The following RAE1 variants were observed in gnomAD, a reference collection of about 807,000 sequenced individuals.
RAE1 encodes ribonucleic acid export 1, also known as mRNA export factor RAE1.
Under a neutral mutation model 52.7 loss-of-function variants are expected in RAE1, and 13 were observed. The ratio of observed to expected loss-of-function variants is 0.25; its 90% confidence interval spans 0.16 to 0.39. The LOEUF (loss-of-function observed/expected upper bound fraction) is 0.39. RAE1 is among the 10% of genes least tolerant of loss of function. The pLI is 1.00. For synonymous variants in RAE1, 164 were observed against 153.1 expected, an observed-to-expected ratio of 1.07 and a Z score of -0.52; for missense variants, 262 against 459.8, an observed-to-expected ratio of 0.57 and a Z score of 3.93.
Position 57,378,137 on chromosome 20 carries a change from C to T in RAE1, c.*38C>T. 6.6e-7 allele frequency: 1 copy of T among 1,510,846 alleles called. No individual in the cohort carries two copies. 93.6% of individuals were successfully genotyped at this position (1,510,846 alleles called of 1,614,324 possible). On this transcript the variant is annotated 3_prime_UTR_variant, in exon 12 of 12. Coordinates refer to ENST00000395841, the MANE Select transcript of RAE1 (RefSeq NM_003610.4). The stretch of plus-strand genomic sequence containing the variant: ...CTGGCTCAGCCAGAGTTGTTTCTCT[C>T]CACTCTGCCTCATCTCTGTACGAAT...
chr20:57,364,572 A>G (rs537193781), intron 4 of RAE1, among the ~76,000 whole-genome samples: 40 of 152,370 alleles, frequency 2.6e-4, no homozygotes, highest in African/African-American at 8.7e-4. Flanking sequence ...AAAATGAAAT[A>G]TAGACTAGGC....
In RAE1 at chr20:57,373,754, C is replaced by CT. The variant is rs2067070723; in HGVS notation, c.825+19dup. 6.2e-7 allele frequency: 1 copy of CT among 1,607,702 alleles called. No homozygotes were observed. The highest frequency in any genetic ancestry group is 8.5e-7 in the Non-Finnish European group (1 of 1,174,212). Reference sequence around the variant, plus strand: ...CATTTATGCGGTACGTTTTTAGACACTTTAACCGTGGTAATACATCTGGAA... The same window carrying CT: ...CATTTATGCGGTACGTTTTTAGACACTTTTAACCGTGGTAATACATCTGGAA... On this transcript the variant is annotated intron_variant, in intron 10 of 11. Transcript: ENST00000395841.
chr20:57,371,403 C>T (rs1466789852), intron 8 of RAE1: 1 of 152,200 alleles, frequency 6.6e-6, no homozygotes, highest in Non-Finnish European at 1.5e-5. Context: ...GGACCAAAGA[C>T]TTGAATAGAC....
At chr20:57,364,871 G>A (rs749533664) in intron 4 of RAE1, among the ~76,000 whole-genome samples, 3 of 152,152 alleles carry the variant, frequency 2.0e-5, no homozygotes, top group South Asian at 2.1e-4. Context: ...GATAGGGACC[G>A]AATAAAAGTA....
rs1398645220 is a variant in RAE1, at chr20:57,378,751, A to C, written c.*652A>C. The C allele has an allele frequency of 1.3e-5, 2 of 152,258 alleles. No individual in the cohort carries two copies. The highest frequency in any genetic ancestry group is 4.8e-5 in the African/African-American group (2 of 41,468). The allele number at this position is 152,258 out of a possible 1,614,324, so 9.4% of individuals were successfully genotyped here. ...TGCTGCTCAGATTTCCGAGTGACTC[A>C]AATGGGGACTGTTACTTGTGCTGGG... On this transcript the variant is annotated 3_prime_UTR_variant, in exon 12 of 12. Transcript: ENST00000395841.
At chr20:57,354,993 G>A (rs2066764233) in intron 3 of RAE1, among the ~76,000 whole-genome samples, 177 bp downstream of exon 3, 1 of 152,120 alleles carries the variant, frequency 6.6e-6, no homozygotes, top group South Asian at 2.1e-4. Context: ...TCTTACACCC[G>A]TTTTTGTTAG....
chr20:57,377,317 G>C (rs924365825), intron 11 of RAE1, among the ~76,000 whole-genome samples: 6 of 152,224 alleles, frequency 3.9e-5, no homozygotes, highest in African/African-American at 1.4e-4. Context: ...CATCTGCCTG[G>C]CCCACCCCAC....
At chr20:57,355,749 A>G (rs35836815) in intron 3 of RAE1, among the ~76,000 whole-genome samples, 99 of 152,352 alleles carry the variant, frequency 6.5e-4, no homozygotes, top group Non-Finnish European at 2.8e-4. Context: ...ACTGTAGCCT[A>G]CAGCACAGGG....
In RAE1 at chr20:57,378,194, T is replaced by C; in HGVS notation, c.*95T>C. 2 of 1,038,830 alleles carry C rather than the reference T, an allele frequency of 1.9e-6. No homozygotes were observed. Among genetic ancestry groups the C allele is most frequent in the Non-Finnish European group, 2.8e-6 (2 of 714,934 alleles). The allele number at this position is 1,038,830 out of a possible 1,614,324, so 64.4% of individuals were successfully genotyped here. ...CCCAGCCTTGTTGGGTTGTCAGCCA[T>C]GGACATGGATTTCAACCCCTGGAGA... On this transcript the variant is annotated 3_prime_UTR_variant, in exon 12 of 12. Coordinates refer to ENST00000395841, the MANE Select transcript of RAE1 (RefSeq NM_003610.4).
chr20:57,351,705 T>C (rs889773922), intron 1 of RAE1: 13 of 985,402 alleles, frequency 1.3e-5, no homozygotes, highest in Non-Finnish European at 1.3e-5. Context: ...CCCTTACACG[T>C]CTGGCGTCTC....
At chr20:57,376,220 G>A (rs1397976658) in intron 11 of RAE1, among the ~76,000 whole-genome samples, 1 of 152,210 alleles carries the variant, frequency 6.6e-6, no homozygotes, top group Non-Finnish European at 1.5e-5. Context: ...AGGGTTTGCT[G>A]TGTGAGCCAT....
chr20:57,354,268 CTG>C lies in RAE1; in HGVS notation c.90+141_90+142del, dbSNP rs1041190322. On this transcript the variant is annotated intron_variant, in intron 2 of 11. Coordinates refer to ENST00000395841, the MANE Select transcript of RAE1 (RefSeq NM_003610.4). ...TTGTCTAACTCATGTTTCTGAAACA[CTG>C]GAGCACAGAAAATGTGTCCCCGTAC... 1.9e-5 allele frequency: 13 copies of C among 688,634 alleles called. No homozygotes were observed. The African/African-American group carries it at 2.4e-4, about 13-fold the overall frequency. 42.7% of individuals were successfully genotyped at this position (688,634 alleles called of 1,614,324 possible).
chr20:57,369,154 T>C (rs2066998370), intron 8 of RAE1, among the ~76,000 whole-genome samples: 1 of 152,206 alleles, frequency 6.6e-6, no homozygotes, highest in Admixed American at 6.5e-5. Flanking sequence ...TACAAATGTA[T>C]TGATGTGCAC....
At chr20:57,376,446 T>A (rs1319437910) in intron 11 of RAE1, among the ~76,000 whole-genome samples, 1 of 152,242 alleles carries the variant, frequency 6.6e-6, no homozygotes, top group African/African-American at 2.4e-5. Context: ...TGGACTAGTC[T>A]GAATTTTCTA....
chr20:57,356,704 G>A (rs2066793030), intron 4 of RAE1, among the ~76,000 whole-genome samples, 166 bp downstream of exon 4: 1 of 152,208 alleles, frequency 6.6e-6, no homozygotes, highest in African/African-American at 2.4e-5. Flanking sequence ...GTTGGCTTTA[G>A]TTAGCCACTT....
At chr20:57,372,567 T>G (rs1004433001) in intron 8 of RAE1, 1 of 152,262 alleles carries the variant, frequency 6.6e-6, no homozygotes, top group African/African-American at 2.4e-5. Flanking sequence ...TGCTTTACTT[T>G]TTTTCTTCGT....
chr20:57,355,585 G>A (rs2066773650), intron 3 of RAE1, among the ~76,000 whole-genome samples: 1 of 152,158 alleles, frequency 6.6e-6, no homozygotes, highest in African/African-American at 2.4e-5. Context: ...ATCTGATAAT[G>A]TACTTCATCT....
intron 5 of RAE1, among the ~76,000 whole-genome samples, chr20:57,365,644 A>G (rs1200923158): frequency 6.6e-6 from 1 of 152,244 alleles, no homozygotes; most frequent in Non-Finnish European, 1.5e-5. Context: ...GTGTTCACAG[A>G]TTGTCTTGTC....
intron 4 of RAE1, 65 bp downstream of exon 4, chr20:57,356,603 A>G (rs2066791491): frequency 7.1e-7 from 1 of 1,400,872 alleles, no homozygotes; most frequent in Non-Finnish European, 9.9e-7. Flanking sequence ...AGAATATTTA[A>G]TAATCCAAAC....
Sources: gnomAD v4.1 joint callset for allele counts (sites outside exome capture counted in the v4.1 genomes callset) on GRCh38, gnomAD v4.1.1 for gene constraint, MANE v1.5 for transcripts, NCBI Gene and HGNC (gene_info 2026-07-23, HGNC 2026-07-21) for gene names.